SHISA6: variants seen among roughly 807,000 people sequenced by gnomAD.
SHISA6 encodes shisa family member 6.
Under a neutral mutation model 47.9 loss-of-function variants are expected in SHISA6, and 22 were observed. That is an observed-to-expected ratio of 0.46 (90% CI 0.33 to 0.66). The LOEUF (loss-of-function observed/expected upper bound fraction) is 0.66, where lower values mean the gene tolerates loss of function less well. SHISA6 is among the 30% of genes least tolerant of loss of function. The pLI, the probability that SHISA6 is intolerant of heterozygous loss-of-function variation, is 0.02. For missense variants in SHISA6, 680 were observed against 764.6 expected, an observed-to-expected ratio of 0.89 and a Z score of 1.30; for synonymous variants, 388 against 337.8, an observed-to-expected ratio of 1.15 and a Z score of -1.63.
At chr17:11,502,357 T>C (rs2071461030) in intron 3 of SHISA6, among the ~76,000 whole-genome samples, 2 of 126,940 alleles carry the variant, frequency 1.6e-5, no homozygotes, top group Admixed American at 2.2e-4. Flanking sequence ...TGCAGTGAGC[T>C]GAGATCGCGC....
At chr17:11,308,762 C>G (rs1910218666) in intron 2 of SHISA6, among the ~76,000 whole-genome samples, 1 of 152,178 alleles carries the variant, frequency 6.6e-6, no homozygotes. Flanking sequence ...TCTCTCCATG[C>G]TCGGTGGCTG....
At chr17:11,472,847 G>C (rs1167712266) in intron 3 of SHISA6, among the ~76,000 whole-genome samples, 1 of 152,136 alleles carries the variant, frequency 6.6e-6, no homozygotes, top group African/African-American at 2.4e-5. Context: ...TGCTGTCACT[G>C]TTCCAGATTT....
At chr17:11,507,129 TCCA>T (rs1033030071) in intron 3 of SHISA6, among the ~76,000 whole-genome samples, 1 of 152,200 alleles carries the variant, frequency 6.6e-6, no homozygotes, top group Non-Finnish European at 1.5e-5. Flanking sequence ...GACAATGACA[TCCA>T]CCACATTAGT....
At chr17:11,243,871 C>T (rs1290153647) in intron 1 of SHISA6, among the ~76,000 whole-genome samples, 2 of 152,174 alleles carry the variant, frequency 1.3e-5, no homozygotes, top group East Asian at 3.9e-4. Context: ...CTTTCTGAGC[C>T]ATTGTTCTCT....
At chr17:11,347,187 T>C (rs565023559) in intron 2 of SHISA6, among the ~76,000 whole-genome samples, 7 of 151,696 alleles carry the variant, frequency 4.6e-5, no homozygotes, top group Admixed American at 1.3e-4. Context: ...GCATCATTTT[T>C]TGAGGGAAAA....
chr17:11,374,972 C>T, intron 2 of SHISA6, among the ~76,000 whole-genome samples: 1 of 152,088 alleles, frequency 6.6e-6, no homozygotes, highest in East Asian at 1.9e-4. Context: ...TGTCCCTCCA[C>T]CAGTATACTG....
At chr17:11,410,853 A>C (rs1224389356) in intron 3 of SHISA6, among the ~76,000 whole-genome samples, 1 of 152,252 alleles carries the variant, frequency 6.6e-6, no homozygotes, top group Non-Finnish European at 1.5e-5. Context: ...GTGTCTTAAC[A>C]GCTCATCCAG....
At chr17:11,505,762 C>A (rs548116530) in intron 3 of SHISA6, among the ~76,000 whole-genome samples, 3 of 152,294 alleles carry the variant, frequency 2.0e-5, no homozygotes, top group African/African-American at 7.2e-5. Flanking sequence ...TTCATTTAAA[C>A]AAAACTGAGT....
At chr17:11,393,812 G>C (rs934447796) in intron 3 of SHISA6, among the ~76,000 whole-genome samples, 5 of 152,160 alleles carry the variant, frequency 3.3e-5, no homozygotes, top group South Asian at 2.1e-4. Context: ...TTGCTCTGCT[G>C]CTGTCCTTCT....
intron 2 of SHISA6, among the ~76,000 whole-genome samples, chr17:11,307,863 T>A (rs905492083): frequency 6.6e-5 from 10 of 152,162 alleles, no homozygotes; most frequent in African/African-American, 2.2e-4. Context: ...GGAGGACCCT[T>A]AGAAATGCCA....
intron 2 of SHISA6, among the ~76,000 whole-genome samples, chr17:11,371,361 C>T (rs1025817746): frequency 9.2e-5 from 14 of 152,230 alleles, no homozygotes; most frequent in South Asian, 6.2e-4. Context: ...GAGCAAACCC[C>T]GGGCTCTCTC....
At chr17:11,313,837 G>T (rs1910414610) in intron 2 of SHISA6, among the ~76,000 whole-genome samples, 1 of 152,156 alleles carries the variant, frequency 6.6e-6, no homozygotes, top group African/African-American at 2.4e-5. Flanking sequence ...AGATGAGTAA[G>T]ATGAAGACGG....
intron 3 of SHISA6, among the ~76,000 whole-genome samples, chr17:11,537,390 C>CAA (rs1371826549): frequency 6.6e-6 from 1 of 152,078 alleles, no homozygotes; most frequent in East Asian, 1.9e-4. Context: ...CACCAAGAGT[C>CAA]AAAGGCCTGC....
At chr17:11,405,714 T>C (rs1283407440) in intron 3 of SHISA6, among the ~76,000 whole-genome samples, 2 of 151,730 alleles carry the variant, frequency 1.3e-5, no homozygotes, top group Non-Finnish European at 2.9e-5. Flanking sequence ...AGCAGGAGAA[T>C]CGCTTTAACT....
At chr17:11,259,368 C>A (rs140721103) in intron 1 of SHISA6, among the ~76,000 whole-genome samples, 1 of 152,316 alleles carries the variant, frequency 6.6e-6, no homozygotes, top group Non-Finnish European at 1.5e-5. Context: ...CTTGTAAGAG[C>A]ATTCTGAGAA....
chr17:11,495,818 A>G (rs2071403126), intron 3 of SHISA6, among the ~76,000 whole-genome samples: 1 of 152,202 alleles, frequency 6.6e-6, no homozygotes, highest in Admixed American at 6.5e-5. Flanking sequence ...TGATTTATCT[A>G]TGGAATGTGT....
In SHISA6 at chr17:11,520,267, G is replaced by A. The variant is rs1036096629; in HGVS notation, c.896-31629G>A. Among the ~76,000 whole-genome samples the A allele has an allele frequency of 4.6e-5, 7 of 152,042 alleles. No homozygotes were observed. In the East Asian group the frequency reaches 7.7e-4, roughly 17 times the overall value. ...CCTGTCTCACCACCACCAACTGTGC[G>A]CCCAACAAATTTTTCCCCATCTCAG... is the stretch of plus-strand genomic sequence containing the variant. On this transcript the variant is annotated intron_variant, in intron 3 of 5. Transcript: ENST00000441885.
At chr17:11,248,258 G>C (rs1907666033) in intron 1 of SHISA6, among the ~76,000 whole-genome samples, 1 of 152,022 alleles carries the variant, frequency 6.6e-6, no homozygotes, top group Non-Finnish European at 1.5e-5. Context: ...CAGAACTTCT[G>C]AAAAAGCAGG....
At chr17:11,266,788 G>A (rs776065127) in intron 2 of SHISA6, among the ~76,000 whole-genome samples, 38 of 152,222 alleles carry the variant, frequency 2.5e-4, no homozygotes, top group Non-Finnish European at 3.5e-4. Flanking sequence ...CCATGGGATT[G>A]TGTGTGGGAT....
Sources: gnomAD v4.1 joint callset for allele counts (sites outside exome capture counted in the v4.1 genomes callset) on GRCh38, gnomAD v4.1.1 for gene constraint, MANE v1.5 for transcripts, NCBI Gene and HGNC (gene_info 2026-07-23, HGNC 2026-07-21) for gene names.